Variants in URGCP observed in about 807,000 individuals in gnomAD.
The protein encoded by URGCP is upregulator of cell proliferation, also known as up-regulator of cell proliferation.
URGCP carries 13 observed loss-of-function variants against 24.6 expected under a neutral mutation model. That is an observed-to-expected ratio of 0.53 (90% CI 0.34 to 0.84). The LOEUF (loss-of-function observed/expected upper bound fraction) is 0.84, where lower values mean the gene tolerates loss of function less well. Ranked by LOEUF, URGCP falls within the 40% of genes least tolerant of loss-of-function variation. URGCP has a pLI of 0.01. For missense variants in URGCP, 899 were observed against 1,194.3 expected (o/e 0.75, Z 3.64); for synonymous variants, 444 against 487.2 (o/e 0.91, Z 1.17).
chr7:43,906,029 C>G (rs1206973651), intron 1 of URGCP: 1 of 152,212 alleles, frequency 6.6e-6, no homozygotes, highest in South Asian at 2.1e-4. Flanking sequence ...AGCGGCTCTC[C>G]GGCTGTCAGC....
intron 3 of URGCP, among the ~76,000 whole-genome samples, chr7:43,886,170 T>C (rs915704874): frequency 2.0e-5 from 3 of 152,234 alleles, no homozygotes; most frequent in Admixed American, 6.5e-5. Context: ...ATTTTTTCCA[T>C]AGAGACGGTG....
intron 1 of URGCP, among the ~76,000 whole-genome samples, chr7:43,923,918 G>T (rs577366610): frequency 1.2e-4 from 18 of 151,996 alleles, no homozygotes; most frequent in African/African-American, 3.9e-4. Flanking sequence ...TGCCCAGGTT[G>T]AAGGGCAGTG....
intron 1 of URGCP, among the ~76,000 whole-genome samples, chr7:43,900,481 A>AAAAAAAAAAAAAAAAAAAAAAAAG (rs1554291222): frequency 6.8e-6 from 1 of 147,630 alleles, no homozygotes; most frequent in African/African-American, 2.5e-5. Flanking sequence ...AAAAAAAAAA[A>AAAAAAAAAAAAAAAAAAAAAAAAG]AAAAAGAAAA....
chr7:43,905,091 GAC>G (rs1234974865), intron 1 of URGCP, among the ~76,000 whole-genome samples: 3 of 152,074 alleles, frequency 2.0e-5, no homozygotes, highest in African/African-American at 4.8e-5. Context: ...CAACTACAGG[GAC>G]ACAGTTTAAG....
intron 1 of URGCP, among the ~76,000 whole-genome samples, chr7:43,923,863 T>C (rs1179572936): frequency 6.6e-6 from 1 of 150,678 alleles, no homozygotes; most frequent in Non-Finnish European, 1.5e-5. Flanking sequence ...TTAAAAATCT[T>C]TTGTGTATTA....
intron 1 of URGCP, chr7:43,918,639 G>A (rs1166450450): frequency 1.7e-6 from 1 of 589,670 alleles, no homozygotes; most frequent in Non-Finnish European, 3.1e-6. Flanking sequence ...TATCTGGGGG[G>A]CTGGCACGCG....
chr7:43,900,821 G>GCA (rs2095889246), intron 1 of URGCP, among the ~76,000 whole-genome samples: 1 of 152,160 alleles, frequency 6.6e-6, no homozygotes, highest in African/African-American at 2.4e-5. Flanking sequence ...AGCCATAATT[G>GCA]AAGGTATCGT....
intron 1 of URGCP, chr7:43,918,598 T>G: frequency 2.1e-6 from 1 of 486,280 alleles, no homozygotes; most frequent in Non-Finnish European, 3.8e-6. Flanking sequence ...TAGGATTTTC[T>G]TAAAGAGCGC....
At position 43,881,915 on chromosome 7, in the gene URGCP, C is replaced by T. The variant is rs779811540; in HGVS notation, c.155G>A (p.Arg52His). The T allele has an allele frequency of 8.1e-6, 13 of 1,614,006 alleles. 1 individual carries two copies. Among genetic ancestry groups the T allele is most frequent in the Middle Eastern group, 1.7e-4 (1 of 6,060 alleles). Residue 52 changes from arginine (R) to histidine (H), a missense_variant, in exon 4 of 6, where the codon CGT (arginine) becomes CAT (histidine). Transcript: ENST00000453200. ...AATCCTGTAGTTTCTACCTCCATAA[C>T]GGAACTCGCAATCATCTCCTTCCAT... ...REMEGDDCEFRYGDGTNEAQD... is the reference protein window; with the variant it reads ...REMEGDDCEFHYGDGTNEAQD...
chr7:43,896,950 T>C (rs1294641923), intron 1 of URGCP, among the ~76,000 whole-genome samples: 3 of 152,220 alleles, frequency 2.0e-5, no homozygotes, highest in Admixed American at 2.0e-4. Context: ...TATTTATTGC[T>C]AGGAACCTTT....
intron 3 of URGCP, among the ~76,000 whole-genome samples, chr7:43,882,538 G>A (rs2132656993): frequency 6.6e-6 from 1 of 151,818 alleles, no homozygotes; most frequent in Non-Finnish European, 1.5e-5. Flanking sequence ...AGCCTGGGAG[G>A]TCAAGGCTGC....
In URGCP at chr7:43,877,019, T is replaced by C. The variant is rs372174530; in HGVS notation, c.2444A>G (p.Tyr815Cys). Residue 815 changes from tyrosine to cysteine, a missense_variant, in exon 6 of 6, where the codon TAC (tyrosine) becomes TGC (cysteine). Tyr to Cys is a radical substitution (Grantham distance 194). Coordinates refer to ENST00000453200, the MANE Select transcript of URGCP (RefSeq NM_001077663.3). The part of the protein sequence containing the change: ...RLEKTGHMPN[Y>C]QFVYQNLHDV... ...ATGAAGGTTCTGGTATACAAACTGG[T>C]AGTTGGGCATGTGCCCCGTTTTTTC... 267 of 1,614,086 alleles carry C rather than the reference T, an allele frequency of 1.7e-4. No homozygotes were observed. Among genetic ancestry groups the C allele is most frequent in the Non-Finnish European group, 2.1e-4 (249 of 1,180,050 alleles).
intron 5 of URGCP, chr7:43,879,707 C>T (rs933372951): frequency 4.5e-5 from 7 of 156,790 alleles, no homozygotes; most frequent in Non-Finnish European, 7.0e-5. Flanking sequence ...TCAGAGTCAC[C>T]GGGAAGTTCC....
intron 1 of URGCP, chr7:43,919,751 G>A: frequency 7.3e-7 from 1 of 1,366,746 alleles, no homozygotes; most frequent in Non-Finnish European, 1.0e-6. Flanking sequence ...TCATCCTGTT[G>A]GGCCCCACCA....
chr7:43,925,798 C>CTTT (rs60736722), intron 1 of URGCP, among the ~76,000 whole-genome samples: 2,826 of 116,546 alleles, frequency 0.024, 181 homozygotes, highest in African/African-American at 0.079. Context: ...CCTCGTCTGG[C>CTTT]TTTTTTTTTT....
chr7:43,912,011 GA>G (rs951927062), intron 1 of URGCP, among the ~76,000 whole-genome samples: 12 of 151,702 alleles, frequency 7.9e-5, no homozygotes, highest in Non-Finnish European at 1.6e-4. Flanking sequence ...AAAATACCTT[GA>G]AAAAAAATAA....
chr7:43,903,205 G>A lies in URGCP; in HGVS notation c.14+3357C>T, dbSNP rs548174875. ...TCAAAAACAAAAAACAAATGTATGT[G>A]GATCTGTTCCTTGTTCTGGCATGGA... is the stretch of plus-strand genomic sequence containing the variant. On this transcript the variant is annotated intron_variant, in intron 1 of 5. Coordinates refer to ENST00000453200, the MANE Select transcript of URGCP (RefSeq NM_001077663.3). Among the ~76,000 whole-genome samples, 10 of 152,206 alleles carry A rather than the reference G, an allele frequency of 6.6e-5. No homozygotes were observed. The South Asian group carries it at 2.1e-3, about 32-fold the overall frequency.
At chr7:43,881,376 G>T (rs1562573798) in intron 5 of URGCP, 1 of 622,132 alleles carries the variant, frequency 1.6e-6, no homozygotes. Context: ...ACATCTCTGG[G>T]TTTCACCTCC....
chr7:43,919,893 C>A, intron 1 of URGCP: 3 of 1,304,670 alleles, frequency 2.3e-6, no homozygotes, highest in East Asian at 2.3e-5. Flanking sequence ...TGACAAGCTG[C>A]GGAAGTGGGA....
Sources: allele counts gnomAD v4.1 joint callset (sites outside exome capture counted in the v4.1 genomes callset), GRCh38; gene constraint gnomAD v4.1.1; transcripts MANE v1.5; gene names NCBI Gene and HGNC (gene_info 2026-07-23, HGNC 2026-07-21).